The following UTRN variants were observed in gnomAD, a reference collection of about 807,000 sequenced individuals.
The protein encoded by UTRN is utrophin, also known as dystrophin-related protein 1.
A neutral mutation model predicts 463.9 loss-of-function variants in UTRN; 283 were observed. The observed-to-expected ratio is 0.61, with a 90% confidence interval of 0.55 to 0.67. UTRN has a LOEUF of 0.67. Among genes scored for constraint, UTRN ranks in the 30% least tolerant of loss-of-function variants. UTRN has a pLI of 0.00. For missense variants in UTRN, 3,922 were observed against 4,084.3 expected, an observed-to-expected ratio of 0.96 and a Z score of 1.08; for synonymous variants, 1,442 against 1,431.5, an observed-to-expected ratio of 1.01 and a Z score of -0.17.
At chr6:144,384,033 A>G (rs761476247) in intron 2 of UTRN, among the ~76,000 whole-genome samples, 1 of 152,224 alleles carries the variant, frequency 6.6e-6, no homozygotes, top group South Asian at 2.1e-4. Context: ...TGTTTATTGC[A>G]TCTGGTTTTT....
At chr6:144,387,110 C>T (rs997975061) in intron 2 of UTRN, among the ~76,000 whole-genome samples, 7 of 151,842 alleles carry the variant, frequency 4.6e-5, no homozygotes, top group Non-Finnish European at 7.4e-5. Flanking sequence ...TTTTGTTTTG[C>T]CTTAATCTTC....
chr6:144,750,108 G>A (rs1042127923), intron 55 of UTRN, among the ~76,000 whole-genome samples: 1 of 152,148 alleles, frequency 6.6e-6, no homozygotes, highest in Non-Finnish European at 1.5e-5. Context: ...TTCTCAAACT[G>A]AATCTGAGAG....
At chr6:144,523,825 A>T (rs1447764322) in intron 41 of UTRN, among the ~76,000 whole-genome samples, 4 of 152,246 alleles carry the variant, frequency 2.6e-5, no homozygotes, top group Non-Finnish European at 5.9e-5. Context: ...TGAGTGAAGA[A>T]CAGAGGCAGC....
chr6:144,700,359 C>CA (rs369779574), intron 53 of UTRN, 116 bp downstream of exon 53: 34 of 1,187,486 alleles, frequency 2.9e-5, no homozygotes, highest in Non-Finnish European at 3.7e-5. Context: ...TTCCCCCCCC[C>CA]ACCACCGTCT....
intron 51 of UTRN, among the ~76,000 whole-genome samples, chr6:144,641,950 AT>A (rs1225039774): frequency 6.6e-6 from 1 of 152,254 alleles, no homozygotes; most frequent in Non-Finnish European, 1.5e-5. Flanking sequence ...ATATTTAGCT[AT>A]AATTAAAATC....
At chr6:144,434,025 C>T (rs1786256745) in intron 9 of UTRN, among the ~76,000 whole-genome samples, 1 of 152,190 alleles carries the variant, frequency 6.6e-6, no homozygotes, top group Admixed American at 6.5e-5. Flanking sequence ...GAGCCGAGAT[C>T]ACGCCACTGC....
At chr6:144,355,334 G>A (rs1176637442) in intron 2 of UTRN, among the ~76,000 whole-genome samples, 1 of 152,078 alleles carries the variant, frequency 6.6e-6, no homozygotes, top group African/African-American at 2.4e-5. Flanking sequence ...GAGTAGCAGG[G>A]ACTAAAGGCA....
chr6:144,576,892 C>T (rs563863848), intron 50 of UTRN, among the ~76,000 whole-genome samples: 1 of 152,158 alleles, frequency 6.6e-6, no homozygotes, highest in African/African-American at 2.4e-5. Context: ...ATGGCTCTCC[C>T]CCTTTCACTC....
chr6:144,539,929 G>C (rs1349785933), intron 45 of UTRN, among the ~76,000 whole-genome samples: 1 of 151,712 alleles, frequency 6.6e-6, no homozygotes, highest in Admixed American at 6.6e-5. Context: ...TGTAATCGCA[G>C]CTACTTGGGA....
intron 2 of UTRN, among the ~76,000 whole-genome samples, chr6:144,340,099 G>A (rs540329326): frequency 3.5e-4 from 54 of 152,270 alleles, no homozygotes; most frequent in Admixed American, 1.6e-3. Context: ...TCTGGGAGGC[G>A]GAGGTTGCAG....
chr6:144,513,940 G>T lies in UTRN; in HGVS notation c.4976G>T (p.Gly1659Val). The change falls in exon 36 of 75, where the codon GGG becomes GTG. Residue 1659 changes from glycine to valine, a missense_variant. Physicochemically the swap from Gly to Val is moderately radical, Grantham distance 109 (BLOSUM62 -3). Around this residue, in one of 3 missense-constraint regions of UTRN, gnomAD observed 2,349 missense variants for 2,303.8 expected, o/e 1.02. Coordinates refer to ENST00000367545, the MANE Select transcript of UTRN (RefSeq NM_007124.3). ...NHQNQLEIFD[G>V]NVAHISTWLY... is the part of the protein sequence containing the mutation. ...CAGAACCAGCTAGAAATATTTGATGGGAACGTGGCTCACATAAGTACCTGG... is the reference window on the plus strand; with the variant it reads ...CAGAACCAGCTAGAAATATTTGATGTGAACGTGGCTCACATAAGTACCTGG... 1 of 1,613,806 alleles carries T rather than the reference G, an allele frequency of 6.2e-7. No homozygotes were observed. The highest frequency in any genetic ancestry group is 1.7e-5 in the Admixed American group (1 of 60,006).
chr6:144,819,826 C>G (rs1779403548), intron 65 of UTRN, among the ~76,000 whole-genome samples: 2 of 151,650 alleles, frequency 1.3e-5, no homozygotes, highest in Admixed American at 6.6e-5. Context: ...CATTCAGTGT[C>G]TGTGATTACA....
At chr6:144,564,274 G>C (rs1186183286) in intron 50 of UTRN, among the ~76,000 whole-genome samples, 1 of 152,184 alleles carries the variant, frequency 6.6e-6, no homozygotes, top group Non-Finnish European at 1.5e-5. Context: ...GGCAAATTTA[G>C]AAAGCATAAC....
chr6:144,780,616 C>T (rs1221317309), intron 60 of UTRN, among the ~76,000 whole-genome samples: 1 of 152,108 alleles, frequency 6.6e-6, no homozygotes, highest in African/African-American at 2.4e-5. Context: ...TCTTTGTTTT[C>T]AGTTAGTGAA....
intron 45 of UTRN, among the ~76,000 whole-genome samples, chr6:144,541,691 A>G (rs112669036): frequency 3.3e-4 from 51 of 152,350 alleles, no homozygotes; most frequent in African/African-American, 1.2e-3. Context: ...CATTCCTTCT[A>G]ACTCAAAGAG....
At chr6:144,350,071 CTT>C (rs1418316021) in intron 2 of UTRN, among the ~76,000 whole-genome samples, 6 of 152,184 alleles carry the variant, frequency 3.9e-5, no homozygotes, top group Admixed American at 6.5e-5. Context: ...ACAGGCCAAA[CTT>C]TCTGTCTGAG....
At chr6:144,683,241 G>A (rs914382233) in intron 52 of UTRN, among the ~76,000 whole-genome samples, 3 of 152,208 alleles carry the variant, frequency 2.0e-5, no homozygotes, top group African/African-American at 7.2e-5. Context: ...ATACATGGAA[G>A]AGTAGAAAAG....
intron 65 of UTRN, among the ~76,000 whole-genome samples, chr6:144,819,911 C>CCTCCTCCTCCCCCTCT (rs11397588): frequency 1.7e-5 from 2 of 118,606 alleles, no homozygotes; most frequent in Admixed American, 9.2e-5. Context: ...TCCTCCTCCT[C>CCTCCTCCTCCCCCTCT]CTCTCTCTCT....
chr6:144,542,908 A>C, intron 46 of UTRN, 38 bp downstream of exon 46: 4 of 1,561,726 alleles, frequency 2.6e-6, no homozygotes, highest in Non-Finnish European at 3.5e-6. Flanking sequence ...TTTTTAAAAA[A>C]TCAGTATGTA....
Sources: allele counts gnomAD v4.1 joint callset (sites outside exome capture counted in the v4.1 genomes callset), GRCh38; gene constraint gnomAD v4.1.1; regional missense constraint gnomAD v4.1.1; transcripts MANE v1.5; gene names NCBI Gene and HGNC (gene_info 2026-07-23, HGNC 2026-07-21).